The following CGRRF1 variants were observed in gnomAD, a reference collection of about 807,000 sequenced individuals.
The protein encoded by CGRRF1 is cell growth regulator with RING finger domain protein 1.
CGRRF1 carries 32 observed loss-of-function variants against 37.2 expected under a neutral mutation model. That is an observed-to-expected ratio of 0.86 (90% confidence interval 0.65 to 1.16). CGRRF1 has a LOEUF of 1.16. CGRRF1 is among the 50% of genes most tolerant of loss of function. The pLI, the probability that CGRRF1 is intolerant of heterozygous loss-of-function variation, is 0.00. For synonymous variants in CGRRF1, 141 were observed against 140.3 expected (o/e 1.00, Z -0.04); for missense variants, 391 against 382.6 (o/e 1.02, Z -0.18).
rs563870382 is a variant in CGRRF1 at position 54,537,739 on chromosome 14, G to C, written c.588G>C (p.Val196=). 2.2e-4 allele frequency: 351 copies of C among 1,573,924 alleles called. 1 individual carries two copies. Among genetic ancestry groups the C allele is most frequent in the Admixed American group, 4.1e-4 (21 of 51,466 alleles). ...EIYDIISMVS[V]IHIPDRTYKL... ...TATTTTAGATTTCCATGGTGTCAGT[G>C]ATTCATATTCCTGATAGGACTTATA... The change falls in exon 5 of 6, where the codon GTG becomes GTC. Residue 196 remains valine, a synonymous_variant. Transcript: ENST00000216420.
chr14:54,537,790 A>T lies in CGRRF1; in HGVS notation c.639A>T (p.Gln213His). The T allele has an allele frequency of 6.2e-7, 1 of 1,602,798 alleles. No homozygotes were observed. The highest frequency in any genetic ancestry group is 8.5e-7 in the Non-Finnish European group (1 of 1,177,098). ...TYKLSCRILY[Q>H]YLLLAQGQFH... is the part of the protein sequence containing the mutation. ...AACTATCCTGCAGAATATTGTATCA[A>T]TATTTACTCTTGGCTCAAGGTCAAT... Residue 213 changes from glutamine (Q) to histidine (H), a missense_variant, in exon 5 of 6, where the codon CAA (glutamine) becomes CAT (histidine). Coordinates refer to ENST00000216420, the MANE Select transcript of CGRRF1 (RefSeq NM_006568.3).
chr14:54,537,927 A>G, intron 5 of CGRRF1, 98 bp downstream of exon 5: 1 of 1,502,348 alleles, frequency 6.7e-7, no homozygotes, highest in Non-Finnish European at 8.8e-7. Flanking sequence ...TCAGTTAATA[A>G]TTACAGAAGA....
chr14:54,520,855 T>C (rs1235167761), intron 1 of CGRRF1, among the ~76,000 whole-genome samples: 5 of 152,094 alleles, frequency 3.3e-5, no homozygotes, highest in Non-Finnish European at 7.4e-5. Context: ...ATCTGTGGGG[T>C]CTTTTTAATT....
rs2032653504 is a variant in CGRRF1 at position 54,539,264 on chromosome 14, A to G, written c.*881A>G. ...TTTTTCTAGTGTATTTTTATTCCAA[A>G]TAAACCCTGTATTCTTCTGAATAGT... On this transcript the variant is annotated 3_prime_UTR_variant, in exon 6 of 6. Transcript: ENST00000216420. 6.6e-6 allele frequency: 1 copy of G among 152,218 alleles called. No homozygotes were observed. Among genetic ancestry groups the G allele is most frequent in the African/African-American group, 2.4e-5 (1 of 41,474 alleles). 9.4% of individuals were successfully genotyped at this position (152,218 alleles called of 1,614,324 possible).
intron 4 of CGRRF1, among the ~76,000 whole-genome samples, chr14:54,532,553 A>G (rs2032533035): frequency 6.6e-6 from 1 of 152,176 alleles, no homozygotes; most frequent in Admixed American, 6.5e-5. Context: ...CCATTTCACT[A>G]GGTATATATA....
intron 2 of CGRRF1, among the ~76,000 whole-genome samples, chr14:54,527,867 A>G (rs1040050763): frequency 2.0e-5 from 3 of 152,016 alleles, no homozygotes; most frequent in African/African-American, 4.8e-5. Context: ...CAGCCTTCCA[A>G]GAAGTTAGGA....
intron 1 of CGRRF1, among the ~76,000 whole-genome samples, chr14:54,517,213 T>A (rs978191046): frequency 6.6e-6 from 1 of 152,336 alleles, no homozygotes; most frequent in Admixed American, 6.5e-5. Flanking sequence ...AATGTTTTTT[T>A]ATCAGATGCT....
chr14:54,521,452 ACTC>A (rs2032315331), intron 1 of CGRRF1, among the ~76,000 whole-genome samples: 1 of 148,032 alleles, frequency 6.8e-6, no homozygotes, highest in Admixed American at 6.7e-5. Flanking sequence ...CAAGAATGAA[ACTC>A]CATCTCAAAA....
rs1450293867 is a variant in CGRRF1 at position 54,538,957 on chromosome 14, C to T, written c.*574C>T. On this transcript the variant is annotated 3_prime_UTR_variant, in exon 6 of 6. Coordinates refer to ENST00000216420, the MANE Select transcript of CGRRF1 (RefSeq NM_006568.3). ...AATATAGGTTCTTAAATCATAAATA[C>T]AAGATATAATTCTTGACTGTTCTCC... The T allele has an allele frequency of 6.6e-6, 1 of 152,184 alleles. No homozygotes were observed. Among genetic ancestry groups the T allele is most frequent in the African/African-American group, 2.4e-5 (1 of 41,392 alleles). The allele number at this position is 152,184 out of a possible 1,614,324, so 9.4% of individuals were successfully genotyped here.
At chr14:54,527,432 G>T (rs1452150496) in intron 2 of CGRRF1, among the ~76,000 whole-genome samples, 1 of 151,998 alleles carries the variant, frequency 6.6e-6, no homozygotes, top group African/African-American at 2.4e-5. Context: ...TGCACATTGT[G>T]CACATGTACC....
intron 2 of CGRRF1, among the ~76,000 whole-genome samples, chr14:54,528,395 A>G (rs1245877039): frequency 2.6e-5 from 4 of 152,086 alleles, no homozygotes; most frequent in Admixed American, 2.6e-4. Flanking sequence ...GGTTTATTCC[A>G]GCATTTTGCT....
In CGRRF1 at chr14:54,510,226, G is replaced by A. The variant is rs2032107333; in HGVS notation, c.104+163G>A. On this transcript the variant is annotated intron_variant, in intron 1 of 5. Coordinates refer to ENST00000216420, the MANE Select transcript of CGRRF1 (RefSeq NM_006568.3). The stretch of plus-strand genomic sequence containing the variant: ...CCGACTTTCTCTGGGAGGAAAACAA[G>A]GTGGACGCTGCACCTGCGTCACTGC... The A allele has an allele frequency of 3.1e-5, 19 of 609,574 alleles. No homozygotes were observed. The South Asian group carries it at 3.4e-4, about 11-fold the overall frequency. The allele number at this position is 609,574 out of a possible 1,614,324, so 37.8% of individuals were successfully genotyped here.
chr14:54,537,603 C>T, intron 4 of CGRRF1, 119 bp from the exon 5 acceptor site: 13 of 1,056,074 alleles, frequency 1.2e-5, no homozygotes, highest in Non-Finnish European at 1.5e-5. Flanking sequence ...TTTTGAGAAG[C>T]ATTTTTCTTT....
In CGRRF1 at chr14:54,526,545, A is replaced by AT. The variant is rs201722345; in HGVS notation, c.245-3497dup. Among the ~76,000 whole-genome samples the AT allele has an allele frequency of 8.4e-3, 1,271 of 151,704 alleles. 14 individuals carry two copies. Among genetic ancestry groups the AT allele is most frequent in the African/African-American group, 0.029 (1,207 of 41,356 alleles). ...TGTTTACTAGGGGTGGGTTGCTGGG[A>AT]TTTTTTTGTTGTTGTTATTATGTAA... On this transcript the variant is annotated intron_variant, in intron 2 of 5. Transcript: ENST00000216420.
intron 2 of CGRRF1, 29 bp from the exon 3 acceptor site, chr14:54,530,020 T>C (rs995331750): frequency 1.3e-6 from 2 of 1,576,692 alleles, no homozygotes; most frequent in Non-Finnish European, 1.7e-6. Flanking sequence ...ATTAAATCAC[T>C]TTCATTCTTT....
chr14:54,511,275 C>T (rs2032126151), intron 1 of CGRRF1, among the ~76,000 whole-genome samples: 1 of 152,138 alleles, frequency 6.6e-6, no homozygotes, highest in Non-Finnish European at 1.5e-5. Context: ...GCATAGAATT[C>T]CTTGCCTTGT....
chr14:54,515,808 T>C (rs2032206299), intron 1 of CGRRF1, among the ~76,000 whole-genome samples: 1 of 152,184 alleles, frequency 6.6e-6, no homozygotes, highest in South Asian at 2.1e-4. Context: ...TTTGTCTTTT[T>C]ATTTAAAGTG....
At position 54,538,587 on chromosome 14, in the gene CGRRF1, C is replaced by A. The variant is rs905195480; in HGVS notation, c.*204C>A. 10 of 380,396 alleles carry A rather than the reference C, an allele frequency of 2.6e-5. No individual in the cohort carries two copies. The Admixed American group carries it at 3.3e-4, about 12-fold the overall frequency. The allele number at this position is 380,396 out of a possible 1,614,324, so 23.6% of individuals were successfully genotyped here. ...ATACTGGAATCCATCTGTGTTGATA[C>A]ATAAAAATTCATTCAACTCTTGAAA... On this transcript the variant is annotated 3_prime_UTR_variant, in exon 6 of 6. Transcript: ENST00000216420.
At chr14:54,521,614 C>T (rs935966487) in intron 1 of CGRRF1, among the ~76,000 whole-genome samples, 10 of 151,608 alleles carry the variant, frequency 6.6e-5, no homozygotes, top group Non-Finnish European at 8.8e-5. Flanking sequence ...AAGCCAGTCT[C>T]CTGCCTCAGC....
Sources: gnomAD v4.1 joint callset for allele counts (sites outside exome capture counted in the v4.1 genomes callset) on GRCh38, gnomAD v4.1.1 for gene constraint, MANE v1.5 for transcripts, NCBI Gene and HGNC (gene_info 2026-07-23, HGNC 2026-07-21) for gene names.